Variants in STAB1 observed in about 807,000 individuals in gnomAD.
The protein encoded by STAB1 is stabilin-1.
A neutral mutation model predicts 332.4 loss-of-function variants in STAB1; 250 were observed. The ratio of observed to expected loss-of-function variants is 0.75; its 90% CI spans 0.68 to 0.84. The LOEUF is 0.84. Ranked by LOEUF, STAB1 falls within the 40% of genes least tolerant of loss-of-function variation. The pLI is 0.00. For synonymous variants in STAB1, 1,475 were observed against 1,390.4 expected, an observed-to-expected ratio of 1.06 and a Z score of -1.35; for missense variants, 3,249 against 3,489.7, an observed-to-expected ratio of 0.93 and a Z score of 1.74.
chr3:52,512,211 C>G, intron 26 of STAB1, 130 bp from the exon 27 acceptor site: 1 of 864,444 alleles, frequency 1.2e-6, no homozygotes. Context: ...GCCACCAACA[C>G]AGACTGGGTG....
Position 52,516,216 on chromosome 3 carries a change from C to T in STAB1, c.4122C>T (p.Arg1374=). 1 of 1,612,106 alleles carries T rather than the reference C, an allele frequency of 6.2e-7. No homozygotes were observed. ...CCTGTGAGGTGTGTGAGCTGGGCCG[C>T]TACGGGCCCAACTGCACCGGAGGTG... ...GTACEVCELG[R]YGPNCTGVCD... is the part of the protein sequence containing the mutation. The change falls in exon 38 of 69, where the codon CGC becomes CGT. Residue 1374 remains arginine (R), a synonymous_variant. Transcript: ENST00000321725.
rs1709296595 is a variant in STAB1, at chr3:52,511,525, G to A, written c.2788-125G>A. On this transcript the variant is annotated intron_variant, in intron 25 of 68. Transcript: ENST00000321725. ...CACAGATCTCTGAGAGGAGGGCTGG[G>A]AGAAGTTCCTCTGGGGTCTGGGCAG... The A allele has an allele frequency of 4.0e-6, 3 of 742,182 alleles. No homozygotes were observed. The Admixed American group carries it at 8.5e-5, about 21-fold the overall frequency. 46.0% of individuals were successfully genotyped at this position (742,182 alleles called of 1,614,324 possible).
chr3:52,519,205 C>A, intron 48 of STAB1, 59 bp from the exon 49 acceptor site: 1 of 1,573,410 alleles, frequency 6.4e-7, no homozygotes, highest in Non-Finnish European at 8.6e-7. Flanking sequence ...CACCTCAGGC[C>A]CCGATAGCTT....
At position 52,523,767 on chromosome 3, in the gene STAB1, GA is replaced by G; in HGVS notation, c.7395+13del. On this transcript the variant is annotated intron_variant, in intron 66 of 68. Coordinates refer to ENST00000321725, the MANE Select transcript of STAB1 (RefSeq NM_015136.3). Reference sequence around the variant, plus strand: ...GCACCCCCACAGCCCGTGAGTTGAGGAAGGGGGAGGCAGAGCCCTTCCTGGC... The same window carrying G: ...GCACCCCCACAGCCCGTGAGTTGAGGAGGGGGAGGCAGAGCCCTTCCTGGC... 6.3e-7 allele frequency: 1 copy of G among 1,595,308 alleles called. No homozygotes were observed. Among genetic ancestry groups the G allele is most frequent in the East Asian group, 2.3e-5 (1 of 44,388 alleles).
In STAB1 at chr3:52,522,488, C is replaced by A. The variant is rs1296699196; in HGVS notation, c.6610+14C>A. On this transcript the variant is annotated intron_variant, in intron 60 of 68. Transcript: ENST00000321725. Reference sequence around the variant, plus strand: ...TGCACTTCCAGGGTGTGTCCCCCTGCCCACTCCCAGTACCCATTTCATTCC... The same window carrying A: ...TGCACTTCCAGGGTGTGTCCCCCTGACCACTCCCAGTACCCATTTCATTCC... 1 of 1,613,018 alleles carries A rather than the reference C, an allele frequency of 6.2e-7. No individual in the cohort carries two copies. The highest frequency in any genetic ancestry group is 1.3e-5 in the African/African-American group (1 of 74,942).
chr3:52,516,946 T>A, intron 41 of STAB1, 38 bp from the exon 42 acceptor site: 1 of 1,609,248 alleles, frequency 6.2e-7, no homozygotes, highest in Non-Finnish European at 8.5e-7. Context: ...TCCGGCCCCG[T>A]GCCTGCTCCT....
At chr3:52,515,237 T>C (rs2078819891) in intron 36 of STAB1, among the ~76,000 whole-genome samples, 186 bp from the exon 37 acceptor site, 2 of 152,146 alleles carry the variant, frequency 1.3e-5, no homozygotes, top group African/African-American at 4.8e-5. Context: ...TCTCTCAGAC[T>C]TGCGGCCCGA....
intron 3 of STAB1, 85 bp downstream of exon 3, chr3:52,501,838 C>A: frequency 7.2e-7 from 1 of 1,390,958 alleles, no homozygotes; most frequent in East Asian, 2.5e-5. Context: ...ACCTGCATTC[C>A]CCTTCAACTT....
Position 52,510,333 on chromosome 3 carries a change from T to C in STAB1, c.2629-16T>C, listed in dbSNP as rs1257430712. 6.2e-7 allele frequency: 1 copy of C among 1,613,932 alleles called. No homozygotes were observed. The highest frequency in any genetic ancestry group is 1.1e-5 in the South Asian group (1 of 91,078). On this transcript the variant is annotated splice_polypyrimidine_tract_variant and intron_variant, in intron 24 of 68. Coordinates refer to ENST00000321725, the MANE Select transcript of STAB1 (RefSeq NM_015136.3). ...CGTTCTTGTGTCCCTCAGTTATTTA[T>C]CCATGGCTCTCACAGGCTGAGTGTG...
chr3:52,522,410 C>T lies in STAB1; in HGVS notation c.6546C>T (p.Asp2182=). The T allele has an allele frequency of 6.2e-7, 1 of 1,612,970 alleles. No individual in the cohort carries two copies. The highest frequency in any genetic ancestry group is 1.7e-5 in the Admixed American group (1 of 60,028). Residue 2182 remains aspartate (D), a synonymous_variant, in exon 60 of 69, where the codon GAC becomes GAT. Transcript: ENST00000321725. The part of the protein sequence containing the change: ...QCLEESEPPV[D]RCLGQPPPCH... ...TGGAGGAGTCGGAACCACCTGTGGA[C>T]CGCTGCTTGGGCCAGCCACCGCCCT...
chr3:52,521,111 G>T, intron 55 of STAB1, 106 bp downstream of exon 55: 2 of 1,352,508 alleles, frequency 1.5e-6, no homozygotes, highest in South Asian at 1.5e-5. Flanking sequence ...CAGGGCTGGG[G>T]AGCTCTGGGT....
Position 52,520,905 on chromosome 3 carries a change from G to C in STAB1, c.5808G>C (p.Trp1936Cys). 1.9e-6 allele frequency: 3 copies of C among 1,608,360 alleles called. No homozygotes were observed. The highest frequency in any genetic ancestry group is 2.5e-6 in the Non-Finnish European group (3 of 1,177,586). ...LRSVWVHPSL[W>C]GRPQGLGRGC... ...GCGTCTGGGTCCACCCCAGCCTTTG[G>C]GGTAGGCCCCAAGGCCTGGGCAGGG... Residue 1936 changes from tryptophan to cysteine, a missense_variant, in exon 55 of 69, where the codon TGG becomes TGC. Physicochemically the swap from Trp to Cys is radical, Grantham distance 215. Coordinates refer to ENST00000321725, the MANE Select transcript of STAB1 (RefSeq NM_015136.3).
chr3:52,516,725 C>T lies in STAB1; in HGVS notation c.4320C>T (p.Cys1440=), dbSNP rs533866603. The T allele has an allele frequency of 9.3e-6, 15 of 1,611,986 alleles. No individual in the cohort carries two copies. Among genetic ancestry groups the T allele is most frequent in the Admixed American group, 3.3e-5 (2 of 59,962 alleles). The change falls in exon 41 of 69, where the codon TGC becomes TGT. Residue 1440 remains cysteine (C), a synonymous_variant. Transcript: ENST00000321725. ...AGGACTCGGCCGGAGCCTCCACCTG[C>T]GCCTGTGCTGCGGGATACTCCGGCA... ...CVQDSAGAST[C]ACAAGYSGNG...
Position 52,522,156 on chromosome 3 carries a change from CG to C in STAB1, c.6394del (p.Ala2132ProfsTer20), listed in dbSNP as rs2079094331. On this transcript the variant is annotated frameshift_variant, in exon 59 of 69. Coordinates refer to ENST00000321725, the MANE Select transcript of STAB1 (RefSeq NM_015136.3). LOFTEE classifies it high-confidence loss of function. Reference sequence around the variant, plus strand: ...CTACGAGGGTGATGGCTGGAGCTGCCGGGCCCGCAACCCCTGCACAGATGGC... The same window carrying C: ...CTACGAGGGTGATGGCTGGAGCTGCCGGCCCGCAACCCCTGCACAGATGGC... ...PDYEGDGWSC[R>X]ARNPCTDGHR... 1.9e-6 allele frequency: 3 copies of C among 1,612,786 alleles called. No individual in the cohort carries two copies. Among genetic ancestry groups the C allele is most frequent in the Non-Finnish European group, 2.5e-6 (3 of 1,180,008 alleles).
chr3:52,506,300 T>C (rs1316731908), intron 17 of STAB1, 50 bp downstream of exon 17: 1 of 1,522,756 alleles, frequency 6.6e-7, no homozygotes, highest in Non-Finnish European at 9.0e-7. Flanking sequence ...GGTGACCAGC[T>C]GCCCACTTGG....
chr3:52,517,802 A>G (rs1325604275), intron 44 of STAB1, 79 bp from the exon 45 acceptor site: 28 of 1,601,130 alleles, frequency 1.7e-5, no homozygotes, highest in Non-Finnish European at 2.3e-5. Context: ...AGGGGCCTTC[A>G]TGGCCTCTTT....
intron 2 of STAB1, 82 bp from the exon 3 acceptor site, chr3:52,501,556 C>T (rs938135136): frequency 4.6e-5 from 61 of 1,334,402 alleles, no homozygotes; most frequent in Non-Finnish European, 6.0e-5. Context: ...TGGGTGGGAG[C>T]CCCGGAAGCC....
chr3:52,499,898 C>CAAAAAAAAAA (rs4045133), intron 1 of STAB1, among the ~76,000 whole-genome samples: 1 of 37,042 alleles, frequency 2.7e-5, no homozygotes, highest in Non-Finnish European at 4.4e-5. Context: ...GACTCCATCT[C>CAAAAAAAAAA]AAAAAAAAAA....
rs1185312556 is a variant in STAB1, at chr3:52,503,548, A to G, written c.891+8A>G. ...TACCAGAAGCCGGGCCAGGTGAGCC[A>G]GGGTCCCAGGCCGGAACTGTCCCCA... On this transcript the variant is annotated splice_region_variant and intron_variant, in intron 8 of 68. Coordinates refer to ENST00000321725, the MANE Select transcript of STAB1 (RefSeq NM_015136.3). The G allele has an allele frequency of 6.2e-7, 1 of 1,612,448 alleles. No individual in the cohort carries two copies. The highest frequency in any genetic ancestry group is 1.7e-5 in the Admixed American group (1 of 59,984).
Sources: allele counts gnomAD v4.1 joint callset (sites outside exome capture counted in the v4.1 genomes callset), GRCh38; gene constraint gnomAD v4.1.1; transcripts MANE v1.5; gene names NCBI Gene and HGNC (gene_info 2026-07-23, HGNC 2026-07-21).